The following KIAA1217 variants were observed in gnomAD, a reference collection of about 807,000 sequenced individuals.
KIAA1217 encodes sickle tail protein homolog.
KIAA1217 carries 88 observed loss-of-function variants against 163.9 expected under a neutral mutation model. The ratio of observed to expected loss-of-function variants is 0.54; its 90% CI spans 0.45 to 0.64. The LOEUF (loss-of-function observed/expected upper bound fraction) is 0.64, where lower values mean the gene tolerates loss of function less well. Ranked by LOEUF, KIAA1217 falls within the 30% of genes least tolerant of loss-of-function variation. The pLI is 0.00. For missense variants in KIAA1217, 2,372 were observed against 2,475.0 expected, an observed-to-expected ratio of 0.96 and a Z score of 0.88; for synonymous variants, 903 against 923.1, an observed-to-expected ratio of 0.98 and a Z score of 0.39.
At chr10:24,187,982 G>A (rs2066523067) in intron 2 of KIAA1217, among the ~76,000 whole-genome samples, 1 of 152,082 alleles carries the variant, frequency 6.6e-6, no homozygotes, top group Non-Finnish European at 1.5e-5. Flanking sequence ...CAGATCACTT[G>A]AGGTCAGGAG....
chr10:23,898,883 C>T (rs1033502040), intron 1 of KIAA1217, among the ~76,000 whole-genome samples: 2 of 152,044 alleles, frequency 1.3e-5, no homozygotes, highest in African/African-American at 4.8e-5. Flanking sequence ...TCTCTAGATT[C>T]ATCTATGTTA....
rs1564545489 is a variant in KIAA1217, at chr10:23,934,573, A to ATGTGTGTGTGTGTG, written c.-320-72651_-320-72650insGTGTGTGTGTGTGT. Among the ~76,000 whole-genome samples, 20 of 75,150 alleles carry ATGTGTGTGTGTGTG rather than the reference A, an allele frequency of 2.7e-4. 3 individuals carry two copies. The highest frequency in any genetic ancestry group is 2.3e-3 in the African/African-American group (15 of 6,390). 49.3% of individuals were successfully genotyped at this position (75,150 alleles called of 152,430 possible). On this transcript the variant is annotated intron_variant, in intron 1 of 18. Transcript: ENST00000376462. ...GTCTTTAAAGTATATATATATATAT[A>ATGTGTGTGTGTGTG]TATATATATATATATATGTATATAT...
chr10:24,322,103 C>G (rs756752376), intron 2 of KIAA1217, among the ~76,000 whole-genome samples: 3 of 152,120 alleles, frequency 2.0e-5, no homozygotes, highest in Non-Finnish European at 2.9e-5. Flanking sequence ...TGCATGCTAT[C>G]ACACCTGACT....
intron 1 of KIAA1217, among the ~76,000 whole-genome samples, chr10:23,923,645 G>C (rs368982247): frequency 4.7e-5 from 7 of 149,664 alleles, no homozygotes; most frequent in Non-Finnish European, 8.8e-5. Flanking sequence ...CACAACAACA[G>C]GTCACCACTA....
At chr10:24,262,110 G>A (rs1277760006) in intron 2 of KIAA1217, among the ~76,000 whole-genome samples, 1 of 152,168 alleles carries the variant, frequency 6.6e-6, no homozygotes, top group Non-Finnish European at 1.5e-5. Flanking sequence ...GAATTGGGTT[G>A]TTATGGAAGA....
At chr10:23,699,344 G>A (rs560799689) in intron 1 of KIAA1217, among the ~76,000 whole-genome samples, 107 of 152,216 alleles carry the variant, frequency 7.0e-4, no homozygotes, top group Non-Finnish European at 1.1e-3. Context: ...AAGGGACTGC[G>A]AAGACCATCT....
At chr10:24,094,354 T>A (rs1385747431) in intron 2 of KIAA1217, among the ~76,000 whole-genome samples, 1 of 152,150 alleles carries the variant, frequency 6.6e-6, no homozygotes, top group Non-Finnish European at 1.5e-5. Flanking sequence ...TTCCCCATCT[T>A]TGTGGTTTTA....
chr10:23,920,042 G>T (rs1354674451), intron 1 of KIAA1217, among the ~76,000 whole-genome samples: 1 of 152,142 alleles, frequency 6.6e-6, no homozygotes, highest in Non-Finnish European at 1.5e-5. Flanking sequence ...ACTTAAAGAG[G>T]CTTTGTCATG....
At chr10:24,505,896 T>C (rs1216459942) in intron 9 of KIAA1217, among the ~76,000 whole-genome samples, 1 of 152,084 alleles carries the variant, frequency 6.6e-6, no homozygotes, top group African/African-American at 2.4e-5. Flanking sequence ...CTCGTGGAAA[T>C]GTGCCAGGGT....
intron 3 of KIAA1217, among the ~76,000 whole-genome samples, chr10:24,424,778 T>G (rs1053730905): frequency 1.3e-5 from 2 of 152,154 alleles, no homozygotes; most frequent in African/African-American, 4.8e-5. Flanking sequence ...AATTTTTGTA[T>G]TTTTAGTAGA....
At chr10:23,730,521 T>G (rs1042929637) in intron 1 of KIAA1217, among the ~76,000 whole-genome samples, 1 of 152,194 alleles carries the variant, frequency 6.6e-6, no homozygotes, top group Admixed American at 6.5e-5. Flanking sequence ...TTTGTTCATA[T>G]CTACAAAATA....
chr10:24,232,943 A>C, intron 2 of KIAA1217, among the ~76,000 whole-genome samples: 1 of 148,064 alleles, frequency 6.8e-6, no homozygotes, highest in African/African-American at 2.5e-5. Context: ...TACAAAAAAA[A>C]AAAAAAAAAA....
At chr10:23,703,001 G>A (rs545200185) in intron 1 of KIAA1217, among the ~76,000 whole-genome samples, 2 of 152,062 alleles carry the variant, frequency 1.3e-5, no homozygotes, top group East Asian at 3.9e-4. Context: ...GCTTCTGGTT[G>A]CCTTTTTTTG....
At chr10:24,295,133 CTG>C (rs1564422153) in intron 2 of KIAA1217, among the ~76,000 whole-genome samples, 1 of 152,186 alleles carries the variant, frequency 6.6e-6, no homozygotes, top group African/African-American at 2.4e-5. Flanking sequence ...TGAAAAATGA[CTG>C]AGTATTTTGT....
intron 1 of KIAA1217, among the ~76,000 whole-genome samples, chr10:23,889,150 T>C (rs1355162977): frequency 6.6e-6 from 1 of 151,958 alleles, no homozygotes; most frequent in Admixed American, 6.6e-5. Flanking sequence ...GCATACATTT[T>C]GGTGTTCATA....
chr10:24,316,763 G>A (rs147300863), intron 2 of KIAA1217, among the ~76,000 whole-genome samples: 44 of 152,254 alleles, frequency 2.9e-4, no homozygotes, highest in African/African-American at 9.4e-4. Flanking sequence ...AGGCTTTGCA[G>A]CTAAAATTTA....
rs562590581 is a variant in KIAA1217 at position 24,345,825 on chromosome 10, A to C, written c.355-35044A>C. 1.2e-4 allele frequency among the ~76,000 whole-genome samples: 18 copies of C among 152,236 alleles called. 2 individuals are homozygous for C. The South Asian group carries it at 3.7e-3, about 32-fold the overall frequency. On this transcript the variant is annotated intron_variant, in intron 2 of 20. Transcript: ENST00000376454. The stretch of plus-strand genomic sequence containing the variant: ...TTTTAAATTGTAGTAAAATACACAT[A>C]ACGTAAAATTACCATCTTAACCATT...
At chr10:24,125,168 A>T (rs1326594603) in intron 2 of KIAA1217, among the ~76,000 whole-genome samples, 1 of 152,152 alleles carries the variant, frequency 6.6e-6, no homozygotes, top group African/African-American at 2.4e-5. Flanking sequence ...GCTACTTGGG[A>T]GGCTAAGGCA....
intron 1 of KIAA1217, among the ~76,000 whole-genome samples, chr10:23,797,624 G>A (rs181812960): frequency 5.1e-4 from 77 of 152,222 alleles, no homozygotes; most frequent in African/African-American, 1.8e-3. Flanking sequence ...AAGCAAGCAC[G>A]TTTTCACAGG....
Sources: gnomAD v4.1 joint callset for allele counts (sites outside exome capture counted in the v4.1 genomes callset) on GRCh38, gnomAD v4.1.1 for gene constraint, MANE v1.5 for transcripts, NCBI Gene and HGNC (gene_info 2026-07-23, HGNC 2026-07-21) for gene names.